Variants in PCDHGA5 observed in about 807,000 individuals in gnomAD.
PCDHGA5 encodes protocadherin gamma subfamily A, 5, also known as protocadherin gamma-A5.
Under a neutral mutation model 56.7 loss-of-function variants are expected in PCDHGA5, and 36 were observed. The ratio of observed to expected loss-of-function variants is 0.64; its 90% CI spans 0.49 to 0.84. The LOEUF is 0.84. PCDHGA5 is among the 40% of genes least tolerant of loss of function. PCDHGA5 has a pLI of 0.00. For missense variants in PCDHGA5, 1,305 were observed against 1,201.5 expected, an observed-to-expected ratio of 1.09 and a Z score of -1.27; for synonymous variants, 563 against 520.2, an observed-to-expected ratio of 1.08 and a Z score of -1.12.
chr5:141,427,654 T>C (rs2097054872), intron 1 of PCDHGA5: 3 of 727,622 alleles, frequency 4.1e-6, no homozygotes, highest in Non-Finnish European at 7.4e-6. Context: ...TCCTACGTGG[T>C]CCACGTGGCC....
At chr5:141,383,939 T>C (rs1272507661) in intron 1 of PCDHGA5, 1 of 1,613,738 alleles carries the variant, frequency 6.2e-7, no homozygotes, top group African/African-American at 1.3e-5. Context: ...GCTCCAGAAG[T>C]GACTATGACG....
rs1223911772 is a variant in PCDHGA5, at chr5:141,365,361, C to T, written c.1031C>T (p.Ala344Val). 3.7e-6 allele frequency: 6 copies of T among 1,613,832 alleles called. No homozygotes were observed. The highest frequency in any genetic ancestry group is 1.7e-5 in the Admixed American group (1 of 60,010). Residue 344 changes from alanine (A) to valine (V), a missense_variant, in exon 1 of 4, where the codon GCC becomes GTC. Transcript: ENST00000518069. ...ACAGTACAGGACGTGAATGACAATG[C>T]CCCCGAAGTGATCCTCACCTCTCTG... is the stretch of plus-strand genomic sequence containing the variant. ...VVTVQDVNDNAPEVILTSLTS... is the reference protein window; with the variant it reads ...VVTVQDVNDNVPEVILTSLTS...
chr5:141,425,943 C>T (rs2096904576), intron 1 of PCDHGA5, among the ~76,000 whole-genome samples: 1 of 152,220 alleles, frequency 6.6e-6, no homozygotes, highest in African/African-American at 2.4e-5. Flanking sequence ...TGTCTAGTTT[C>T]CTATACATTA....
chr5:141,505,317 G>A, intron 2 of PCDHGA5, 76 bp from the exon 3 acceptor site: 1 of 1,603,092 alleles, frequency 6.2e-7, no homozygotes, highest in Non-Finnish European at 8.5e-7. Flanking sequence ...AGGTTTGGGA[G>A]CCCTGGGAGA....
chr5:141,428,446 T>C lies in PCDHGA5; in HGVS notation c.2421+61695T>C, dbSNP rs575475897. On this transcript the variant is annotated intron_variant, in intron 1 of 3. Coordinates refer to ENST00000518069, the MANE Select transcript of PCDHGA5 (RefSeq NM_018918.3). The stretch of plus-strand genomic sequence containing the variant: ...CTGTTCTAAGACTAGACCAGGGGTT[T>C]TTCCCAACTACAATGAGGGAACTTT... 4.2e-5 allele frequency: 16 copies of C among 378,218 alleles called. No homozygotes were observed. The East Asian group carries it at 8.8e-4, about 21-fold the overall frequency. 23.4% of individuals were successfully genotyped at this position (378,218 alleles called of 1,614,324 possible). A position where few individuals can be genotyped will look rare whatever the true frequency, so the allele number is the denominator to read the frequency against.
At chr5:141,429,848 C>T (rs567448097) in intron 1 of PCDHGA5, among the ~76,000 whole-genome samples, 25 of 152,228 alleles carry the variant, frequency 1.6e-4, no homozygotes, top group African/African-American at 5.8e-4. Context: ...AAGTCTGTAA[C>T]ATTCTTTGGA....
chr5:141,505,450 G>T lies in PCDHGA5; in HGVS notation c.2538G>T (p.Met846Ile). Residue 846 changes from methionine (M) to isoleucine (I), a missense_variant, in exon 3 of 4, where the codon ATG becomes ATT. By Grantham distance (10) the Met-to-Ile change is conservative (BLOSUM62 1). Coordinates refer to ENST00000518069, the MANE Select transcript of PCDHGA5 (RefSeq NM_018918.3). ...TWPNNQFDTE[M>I]LQAMILASAS... ...CCAACAACCAGTTTGACACAGAGAT[G>T]CTGCAAGCCATGATCTTGGCGTCCG... 6.2e-7 allele frequency: 1 copy of T among 1,614,194 alleles called. No homozygotes were observed. The highest frequency in any genetic ancestry group is 8.5e-7 in the Non-Finnish European group (1 of 1,180,012).
intron 1 of PCDHGA5, among the ~76,000 whole-genome samples, chr5:141,459,804 C>G (rs2098975712): frequency 6.6e-6 from 1 of 152,192 alleles, no homozygotes; most frequent in Non-Finnish European, 1.5e-5. Context: ...TCCCTGTTGA[C>G]TAGAGACACT....
intron 1 of PCDHGA5, chr5:141,399,868 G>A (rs1410554488): frequency 6.2e-7 from 1 of 1,612,710 alleles, no homozygotes; most frequent in African/African-American, 1.3e-5. Flanking sequence ...TGCAGAGCCC[G>A]GCTACCTGGT....
At position 141,487,448 on chromosome 5, in the gene PCDHGA5, C is replaced by T; in HGVS notation, c.2422-7359C>T. The stretch of plus-strand genomic sequence containing the variant: ...CCGAATCCAGCTAGGGTCAGATGAC[C>T]CTATCAAGTTTGTTGATGTGGGAGG... On this transcript the variant is annotated intron_variant, in intron 1 of 3. Coordinates refer to ENST00000518069, the MANE Select transcript of PCDHGA5 (RefSeq NM_018918.3). The surrounding 1 kb of genome is among the most constrained non-coding windows in gnomAD (Gnocchi z 5.0). 6.8e-6 allele frequency: 11 copies of T among 1,614,146 alleles called. No individual in the cohort carries two copies. The highest frequency in any genetic ancestry group is 9.3e-6 in the Non-Finnish European group (11 of 1,180,028).
chr5:141,398,469 G>A (rs1490431965), intron 1 of PCDHGA5: 1 of 1,604,084 alleles, frequency 6.2e-7, no homozygotes, highest in Admixed American at 1.7e-5. Context: ...AAAATCCACT[G>A]AACTTTTATC....
chr5:141,438,658 G>GTA (rs2098048375), intron 1 of PCDHGA5, among the ~76,000 whole-genome samples: 7 of 77,996 alleles, frequency 9.0e-5, no homozygotes, highest in African/African-American at 1.9e-4. Flanking sequence ...ACACATATAT[G>GTA]TATATATATA....
Position 141,489,600 on chromosome 5 carries a change from G to A in PCDHGA5, c.2422-5207G>A, listed in dbSNP as rs1407225048. 8.1e-6 allele frequency: 13 copies of A among 1,614,034 alleles called. No homozygotes were observed. Among genetic ancestry groups the A allele is most frequent in the Non-Finnish European group, 1.1e-5 (13 of 1,179,962 alleles). ...ACCCCCTGGAGCTAATCCGTGTAGA[G>A]GTAGAGATCCTGGATCTCAATGACA... On this transcript the variant is annotated intron_variant, in intron 1 of 3. Transcript: ENST00000518069. This position sits in a 1 kb window ranked among gnomAD's most constrained non-coding sequence, Gnocchi z 4.5.
chr5:141,462,656 A>G (rs1427673992), intron 1 of PCDHGA5, among the ~76,000 whole-genome samples: 2 of 151,950 alleles, frequency 1.3e-5, no homozygotes, highest in African/African-American at 4.8e-5. Context: ...ATCCTCAATT[A>G]TCTTCATATT....
At chr5:141,437,930 G>A (rs142381129) in intron 1 of PCDHGA5, among the ~76,000 whole-genome samples, 2,019 of 152,152 alleles carry the variant, frequency 0.013, 16 homozygotes, top group Middle Eastern at 0.034. Context: ...TAGAGATGGG[G>A]TTTCACCATA....
rs780491756 is a variant in PCDHGA5 at position 141,375,972 on chromosome 5, G to A, written c.2421+9221G>A. ...CACACGGGCGAGGTGCGCACGGCGC[G>A]CGCCCTGCTGGACAGAGACGCGCTC... is the stretch of plus-strand genomic sequence containing the variant. On this transcript the variant is annotated intron_variant, in intron 1 of 3. Transcript: ENST00000518069. 9.9e-6 allele frequency: 16 copies of A among 1,613,336 alleles called. No homozygotes were observed. In the Admixed American group the frequency reaches 1.0e-4, roughly 10 times the overall value.
Position 141,485,574 on chromosome 5 carries a change from C to T in PCDHGA5, c.2422-9233C>T. 1 of 1,612,568 alleles carries T rather than the reference C, an allele frequency of 6.2e-7. No homozygotes were observed. Among genetic ancestry groups the T allele is most frequent in the Non-Finnish European group, 8.5e-7 (1 of 1,178,752 alleles). On this transcript the variant is annotated intron_variant, in intron 1 of 3. Transcript: ENST00000518069. This position sits in a 1 kb window ranked among gnomAD's most constrained non-coding sequence, Gnocchi z 5.7. ...GTGAATGATCACGCCCCCCGTTTTCCGCGGCAGCAGCTGGACTTGGAAATT... is the reference window on the plus strand; with the variant it reads ...GTGAATGATCACGCCCCCCGTTTTCTGCGGCAGCAGCTGGACTTGGAAATT...
intron 1 of PCDHGA5, chr5:141,395,360 G>A (rs2093220996): frequency 3.9e-6 from 5 of 1,290,318 alleles, no homozygotes; most frequent in Non-Finnish European, 5.2e-6. Context: ...AGAGTTTTGG[G>A]TTTATTTTGG....
intron 1 of PCDHGA5, chr5:141,415,029 G>T (rs777967290): frequency 8.1e-6 from 13 of 1,613,554 alleles, no homozygotes; most frequent in Non-Finnish European, 1.0e-5. Context: ...CCAGCGAGCC[G>T]GGACTCTTCG....
Sources: allele counts gnomAD v4.1 joint callset (sites outside exome capture counted in the v4.1 genomes callset), GRCh38; gene constraint gnomAD v4.1.1; non-coding constraint Gnocchi (gnomAD v3.1); transcripts MANE v1.5; gene names NCBI Gene and HGNC (gene_info 2026-07-23, HGNC 2026-07-21).